CDH23: variants seen among roughly 807,000 people sequenced by gnomAD.
CDH23 encodes the protein cadherin-23.
Under a neutral mutation model 317.1 loss-of-function variants are expected in CDH23, and 189 were observed. The ratio of observed to expected loss-of-function variants is 0.60; its 90% CI spans 0.53 to 0.67. The LOEUF is 0.67. Ranked by LOEUF, CDH23 falls within the 30% of genes least tolerant of loss-of-function variation. The pLI, the probability that CDH23 is intolerant of heterozygous loss-of-function variation, is 0.00. For synonymous variants in CDH23, 1,839 were observed against 1,876.8 expected (o/e 0.98, Z 0.52); for missense variants, 4,401 against 4,592.4 (o/e 0.96, Z 1.20).
At chr10:71,685,664 C>T (rs554247534) in intron 18 of CDH23, among the ~76,000 whole-genome samples, 1 of 152,290 alleles carries the variant, frequency 6.6e-6, no homozygotes, top group South Asian at 2.1e-4. Context: ...AAGCAGGGGC[C>T]CTGCACTTCC....
rs187326185 is a variant in CDH23, at chr10:71,591,801, G to A, written c.832+13809G>A. 4.1e-4 allele frequency among the ~76,000 whole-genome samples: 62 copies of A among 152,184 alleles called. No individual in the cohort carries two copies. The East Asian group carries it at 0.011, about 28-fold the overall frequency. On this transcript the variant is annotated intron_variant, in intron 9 of 69. Transcript: ENST00000224721. ...TGTGAAGGGCTCAGAACAGCTCCTG[G>A]CCCAGGGCAGGTGCTCAGGAAATGC... is the stretch of plus-strand genomic sequence containing the variant.
chr10:71,617,219 C>A lies in CDH23; in HGVS notation c.960C>A (p.Asn320Lys), dbSNP rs756644736. Residue 320 changes from asparagine (N) to lysine (K), a missense_variant, in exon 11 of 70, where the codon AAC (asparagine) becomes AAA (lysine). By Grantham distance (94) the Asn-to-Lys change is moderately conservative (BLOSUM62 0). Transcript: ENST00000224721. ...FILTVKGTELNDDRTPSDATV... is the reference protein window; with the variant it reads ...FILTVKGTELKDDRTPSDATV... ...TCTGTCCATAGGGCACGGAGCTGAA[C>A]GATGACCGCACCCCATCTGACGCTA... 1 of 1,613,666 alleles carries A rather than the reference C, an allele frequency of 6.2e-7. No homozygotes were observed. The highest frequency in any genetic ancestry group is 1.1e-5 in the South Asian group (1 of 91,052).
intron 28 of CDH23, chr10:71,713,294 A>T (rs1339430803): frequency 1.3e-6 from 1 of 779,252 alleles, no homozygotes; most frequent in Non-Finnish European, 2.4e-6. Flanking sequence ...TCCAAGGCTC[A>T]GAGGGAGAGA....
chr10:71,813,686 CAATT>C (rs1255452951), intron 69 of CDH23, among the ~76,000 whole-genome samples: 1 of 152,124 alleles, frequency 6.6e-6, no homozygotes, highest in African/African-American at 2.4e-5. Context: ...GTGGGAGGAT[CAATT>C]GAGGCCAGGA....
chr10:71,603,456 AACAG>A (rs929019157), intron 9 of CDH23, among the ~76,000 whole-genome samples: 5 of 130,512 alleles, frequency 3.8e-5, no homozygotes, highest in African/African-American at 1.1e-4. Context: ...TGACAGGCAG[AACAG>A]ACAGCCAGCC....
chr10:71,477,464 C>A (rs1851853490), intron 3 of CDH23, among the ~76,000 whole-genome samples: 2 of 152,202 alleles, frequency 1.3e-5, no homozygotes, highest in East Asian at 3.9e-4. Context: ...CCACCGCGCC[C>A]AGCCCCAGGC....
At chr10:71,534,792 T>C (rs1000071679) in intron 6 of CDH23, among the ~76,000 whole-genome samples, 1 of 152,328 alleles carries the variant, frequency 6.6e-6, no homozygotes, top group East Asian at 1.9e-4. Flanking sequence ...GGTTTGGACA[T>C]TGGCACAGCC....
intron 22 of CDH23, among the ~76,000 whole-genome samples, chr10:71,700,456 T>C (rs1294188329): frequency 1.3e-5 from 2 of 152,244 alleles, no homozygotes; most frequent in Non-Finnish European, 2.9e-5. Context: ...AATGCTGGTC[T>C]TCTATGTCCA....
chr10:71,479,313 C>T (rs1403358455), intron 3 of CDH23, among the ~76,000 whole-genome samples: 2 of 152,166 alleles, frequency 1.3e-5, no homozygotes, highest in African/African-American at 4.8e-5. Flanking sequence ...CATTTCTTAC[C>T]TCTTCTCTCT....
chr10:71,656,561 GGGATGA>G (rs1047934707), intron 14 of CDH23, among the ~76,000 whole-genome samples: 5 of 152,208 alleles, frequency 3.3e-5, no homozygotes, highest in African/African-American at 1.2e-4. Context: ...CCATGGGATG[GGGATGA>G]GTGATGTGGG....
intron 38 of CDH23, among the ~76,000 whole-genome samples, chr10:71,760,056 TATATATAC>T (rs1840296754): frequency 1.3e-5 from 1 of 76,568 alleles, no homozygotes; most frequent in Non-Finnish European, 2.9e-5. Flanking sequence ...CACACACACA[TATATATAC>T]ACACACACAT....
chr10:71,588,838 T>C (rs1859263279), intron 9 of CDH23, among the ~76,000 whole-genome samples: 1 of 152,212 alleles, frequency 6.6e-6, no homozygotes, highest in Non-Finnish European at 1.5e-5. Flanking sequence ...AGGCCTCTGC[T>C]GTAGGCACCC....
At chr10:71,446,170 G>A (rs1359558995) in intron 2 of CDH23, 148 bp from the exon 3 acceptor site, 2 of 751,658 alleles carry the variant, frequency 2.7e-6, no homozygotes, top group Non-Finnish European at 4.6e-6. Context: ...CCTTGAGGCA[G>A]GATAGTGACT....
intron 3 of CDH23, among the ~76,000 whole-genome samples, chr10:71,473,124 G>C (rs576653023): frequency 6.6e-6 from 1 of 152,174 alleles, no homozygotes; most frequent in Non-Finnish European, 1.5e-5. Flanking sequence ...TGGTCACTTG[G>C]CAATAGCACA....
intron 11 of CDH23, among the ~76,000 whole-genome samples, chr10:71,640,909 C>T (rs1051087312): frequency 7.9e-5 from 12 of 152,238 alleles, no homozygotes; most frequent in Admixed American, 7.9e-4. Flanking sequence ...TGGAGAACCA[C>T]TGTTTTACCC....
At chr10:71,441,244 C>T (rs1407348275) in intron 2 of CDH23, among the ~76,000 whole-genome samples, 2 of 152,208 alleles carry the variant, frequency 1.3e-5, no homozygotes, top group African/African-American at 4.8e-5. Context: ...CCCCCCTCAC[C>T]CCGCTCCCCC....
chr10:71,629,871 A>G (rs1487589251), intron 11 of CDH23, among the ~76,000 whole-genome samples: 1 of 152,146 alleles, frequency 6.6e-6, no homozygotes, highest in Non-Finnish European at 1.5e-5. Context: ...TTTGTGGGGG[A>G]CACAAAAATG....
intron 11 of CDH23, among the ~76,000 whole-genome samples, chr10:71,632,588 A>G (rs1196876889): frequency 6.6e-6 from 1 of 152,138 alleles, no homozygotes; most frequent in Non-Finnish European, 1.5e-5. Flanking sequence ...GAGTTCCAGC[A>G]ATGGGAGTGA....
At chr10:71,414,904 G>A (rs2131930933) in intron 1 of CDH23, among the ~76,000 whole-genome samples, 1 of 152,198 alleles carries the variant, frequency 6.6e-6, no homozygotes, top group African/African-American at 2.4e-5. Flanking sequence ...ATATTCTTAT[G>A]TTTTTGTGTG....
Sources: gnomAD v4.1 joint callset for allele counts (sites outside exome capture counted in the v4.1 genomes callset) on GRCh38, gnomAD v4.1.1 for gene constraint, MANE v1.5 for transcripts, NCBI Gene and HGNC (gene_info 2026-07-23, HGNC 2026-07-21) for gene names.